Variants in MRPS6 observed in about 807,000 individuals in gnomAD.
The protein encoded by MRPS6 is small ribosomal subunit protein bS6m.
MRPS6 carries 6 observed loss-of-function variants against 13.1 expected under a neutral mutation model. The observed-to-expected ratio is 0.46, with a 90% CI of 0.25 to 0.91. The LOEUF is 0.91. MRPS6 is among the 40% of genes least tolerant of loss of function. The pLI, the probability that MRPS6 is intolerant of heterozygous loss-of-function variation, is 0.18. For missense variants in MRPS6, 164 were observed against 155.6 expected, an observed-to-expected ratio of 1.05 and a Z score of -0.29; for synonymous variants, 61 against 56.5, an observed-to-expected ratio of 1.08 and a Z score of -0.36.
Position 34,104,544 on chromosome 21 carries a change from C to G in MRPS6, c.46-20797C>G, listed in dbSNP as rs556083356. On this transcript the variant is annotated intron_variant, in intron 1 of 2. Coordinates refer to ENST00000399312, the MANE Select transcript of MRPS6 (RefSeq NM_032476.4). ...AAAGACTTGGTCAACTCTAATATAT[C>G]TAGAAGGAAGACTATATCTGGTGTA... 6.0e-6 allele frequency: 6 copies of G among 998,474 alleles called. No individual in the cohort carries two copies. The South Asian group carries it at 2.8e-4, about 47-fold the overall frequency. 61.9% of individuals were successfully genotyped at this position (998,474 alleles called of 1,614,324 possible).
chr21:34,097,780 GA>G, intron 1 of MRPS6: 7 of 1,000,712 alleles, frequency 7.0e-6, no homozygotes, highest in Non-Finnish European at 8.4e-6. Context: ...CTACCATTAA[GA>G]AAAACTTATT....
chr21:34,109,932 G>A (rs1231298222), intron 1 of MRPS6, among the ~76,000 whole-genome samples: 1 of 152,098 alleles, frequency 6.6e-6, no homozygotes, highest in East Asian at 1.9e-4. Context: ...AGTAGTTCTA[G>A]TAGGTTTTCA....
At chr21:34,127,883 C>T (rs1279684649) in intron 2 of MRPS6, among the ~76,000 whole-genome samples, 1 of 152,214 alleles carries the variant, frequency 6.6e-6, no homozygotes, top group African/African-American at 2.4e-5. Flanking sequence ...TTATTGGTTA[C>T]ACGTTTAGCA....
intron 1 of MRPS6, among the ~76,000 whole-genome samples, chr21:34,117,326 A>G (rs1979959698): frequency 6.6e-6 from 1 of 151,756 alleles, no homozygotes; most frequent in African/African-American, 2.4e-5. Context: ...AGAGCACCCA[A>G]AGTGGCCCTC....
chr21:34,079,901 C>T (rs143441845), intron 1 of MRPS6, among the ~76,000 whole-genome samples: 1 of 152,088 alleles, frequency 6.6e-6, no homozygotes, highest in Non-Finnish European at 1.5e-5. Flanking sequence ...TGTTGCCTAT[C>T]CCCAAAGTTG....
In MRPS6 at chr21:34,104,726, G is replaced by A. The variant is rs542438890; in HGVS notation, c.46-20615G>A. ...TGAGGGGAAGAAGATTACCAGAAGT[G>A]CAGGAAAGAGAAGTTTGAGGAACAC... On this transcript the variant is annotated intron_variant, in intron 1 of 2. Transcript: ENST00000399312. 4.1e-5 allele frequency: 41 copies of A among 1,000,280 alleles called. No individual in the cohort carries two copies. In the African/African-American group the frequency reaches 7.0e-4, roughly 17 times the overall value. 62.0% of individuals were successfully genotyped at this position (1,000,280 alleles called of 1,614,324 possible).
chr21:34,075,592 C>T (rs1989310021), intron 1 of MRPS6, among the ~76,000 whole-genome samples: 1 of 152,156 alleles, frequency 6.6e-6, no homozygotes. Flanking sequence ...AGGTGAACTG[C>T]CTCTTGGAGA....
chr21:34,082,185 G>A (rs913325690), intron 1 of MRPS6, among the ~76,000 whole-genome samples: 2 of 152,030 alleles, frequency 1.3e-5, no homozygotes, highest in African/African-American at 4.8e-5. Flanking sequence ...TAGGTTGTCT[G>A]TAAATCTCTT....
chr21:34,087,333 T>C lies in MRPS6; in HGVS notation c.45+13588T>C, dbSNP rs572012490. On this transcript the variant is annotated intron_variant, in intron 1 of 2. Transcript: ENST00000399312. The stretch of plus-strand genomic sequence containing the variant: ...CCACTGTTGATGGTAATATAGGATA[T>C]TGGAAGTTTAGCAGTCTTGATGGCG... Among the ~76,000 whole-genome samples, 5 of 152,264 alleles carry C rather than the reference T, an allele frequency of 3.3e-5. No individual in the cohort carries two copies. The East Asian group carries it at 7.7e-4, about 23-fold the overall frequency.
At chr21:34,106,617 CT>C (rs1235576282) in intron 1 of MRPS6, among the ~76,000 whole-genome samples, 5 of 152,230 alleles carry the variant, frequency 3.3e-5, no homozygotes, top group Non-Finnish European at 7.3e-5. Flanking sequence ...GCCACATTGG[CT>C]TTGCCATTCT....
At chr21:34,105,627 T>G in intron 1 of MRPS6, 1 of 1,000,066 alleles carries the variant, frequency 1.0e-6, no homozygotes, top group Non-Finnish European at 1.2e-6. Context: ...TGTGTCATTT[T>G]AGTTAGGCAT....
chr21:34,094,388 C>T (rs1382864111), intron 1 of MRPS6, among the ~76,000 whole-genome samples: 1 of 152,078 alleles, frequency 6.6e-6, no homozygotes, highest in Non-Finnish European at 1.5e-5. Flanking sequence ...TAGTAAACAC[C>T]ACCTGCCTGT....
intron 1 of MRPS6, among the ~76,000 whole-genome samples, chr21:34,110,792 A>G (rs1979666173): frequency 1.3e-5 from 2 of 152,234 alleles, no homozygotes; most frequent in Admixed American, 6.5e-5. Context: ...AAGACAACAT[A>G]GTTACTAATT....
chr21:34,126,940 C>T (rs1236855880), intron 2 of MRPS6, among the ~76,000 whole-genome samples: 2 of 152,000 alleles, frequency 1.3e-5, no homozygotes, highest in Non-Finnish European at 2.9e-5. Context: ...TTTCAGACCT[C>T]TGTGTGCAGT....
chr21:34,095,883 T>C lies in MRPS6; in HGVS notation c.45+22138T>C, dbSNP rs756806064. 68 of 1,614,028 alleles carry C rather than the reference T, an allele frequency of 4.2e-5. No individual in the cohort carries two copies. In the African/African-American group the frequency reaches 4.3e-4, roughly 10 times the overall value. On this transcript the variant is annotated intron_variant, in intron 1 of 2. Coordinates refer to ENST00000399312, the MANE Select transcript of MRPS6 (RefSeq NM_032476.4). ...CTCACCCGATGTCACTTCCATCTTA[T>C]TGACATACAACCTTTCCAACACAAA... is the stretch of plus-strand genomic sequence containing the variant.
rs111302900 is a variant in MRPS6 at position 34,085,767 on chromosome 21, T to C, written c.45+12022T>C. On this transcript the variant is annotated intron_variant, in intron 1 of 2. Transcript: ENST00000399312. ...ACAGGCGCCCGCCACCGCACCCAGC[T>C]AATTTTTTGTAGTTTTAGTAGAGAC... Among the ~76,000 whole-genome samples the C allele has an allele frequency of 3.3e-3, 497 of 152,164 alleles. 3 individuals carry two copies. The highest frequency in any genetic ancestry group is 0.011 in the African/African-American group (466 of 41,532).
chr21:34,101,598 A>C, intron 1 of MRPS6: 1 of 1,000,092 alleles, frequency 1.0e-6, no homozygotes, highest in South Asian at 4.7e-5. Flanking sequence ...TCAGTTCTAC[A>C]CCTAGTCTTT....
intron 2 of MRPS6, among the ~76,000 whole-genome samples, chr21:34,133,054 C>T (rs77373953): frequency 2.0e-5 from 3 of 152,182 alleles, no homozygotes; most frequent in Non-Finnish European, 4.4e-5. Flanking sequence ...AACCAACACT[C>T]GGCACCACTT....
At chr21:34,112,842 C>A (rs183995509) in intron 1 of MRPS6, among the ~76,000 whole-genome samples, 4 of 152,054 alleles carry the variant, frequency 2.6e-5, no homozygotes, top group African/African-American at 9.6e-5. Flanking sequence ...TTTCATTTAA[C>A]ATAATTCAGA....
Sources: allele counts gnomAD v4.1 joint callset (sites outside exome capture counted in the v4.1 genomes callset), GRCh38; gene constraint gnomAD v4.1.1; transcripts MANE v1.5; gene names NCBI Gene and HGNC (gene_info 2026-07-23, HGNC 2026-07-21).